FMO4: variants seen among roughly 807,000 people sequenced by gnomAD.
FMO4 encodes the protein dimethylaniline monooxygenase [N-oxide-forming] 4.
In FMO4, 38 loss-of-function variants were observed where a neutral mutation model predicts 43.3. The ratio of observed to expected loss-of-function variants is 0.88; its 90% CI spans 0.68 to 1.15. The LOEUF (loss-of-function observed/expected upper bound fraction) is 1.15, where lower values mean the gene tolerates loss of function less well. Ranked by LOEUF, FMO4 falls within the 50% of genes most tolerant of loss-of-function variation. FMO4 has a pLI of 0.00. For missense variants in FMO4, 631 were observed against 663.3 expected (o/e 0.95, Z 0.54); for synonymous variants, 224 against 232.2 (o/e 0.96, Z 0.32).
intron 6 of FMO4, among the ~76,000 whole-genome samples, chr1:171,332,406 C>A (rs1322556766): frequency 6.6e-6 from 1 of 152,062 alleles, no homozygotes. Context: ...ACTTTAAGTT[C>A]TATTTTGCTT....
chr1:171,340,391 C>T (rs1663321549), intron 9 of FMO4, among the ~76,000 whole-genome samples: 1 of 152,082 alleles, frequency 6.6e-6, no homozygotes, highest in Admixed American at 6.6e-5. Context: ...AATTCCTAAA[C>T]TCCCTCCCCT....
At chr1:171,330,680 T>C (rs1662865756) in intron 5 of FMO4, among the ~76,000 whole-genome samples, 1 of 152,142 alleles carries the variant, frequency 6.6e-6, no homozygotes, top group Non-Finnish European at 1.5e-5. Flanking sequence ...ATGATTCAGT[T>C]ACCTCCCACT....
chr1:171,339,750 G>A (rs2101910559), intron 9 of FMO4, among the ~76,000 whole-genome samples: 1 of 152,310 alleles, frequency 6.6e-6, no homozygotes, highest in East Asian at 1.9e-4. Context: ...AGAGACTGGA[G>A]GAACAGTTGA....
Position 171,341,476 on chromosome 1 carries a change from T to A in FMO4, c.1314T>A (p.Ala438=), listed in dbSNP as rs750501567. 1 of 1,613,998 alleles carries A rather than the reference T, an allele frequency of 6.2e-7. No homozygotes were observed. The highest frequency in any genetic ancestry group is 1.1e-5 in the South Asian group (1 of 91,080). ...ACATTGCCTACATGGATGATATCGC[T>A]GCCTGCATAGGCACAAAGCCCAGCA... ...FDYIAYMDDI[A]ACIGTKPSIP... The change falls in exon 10 of 10, where the codon GCT becomes GCA. Residue 438 remains alanine, a synonymous_variant. Transcript: ENST00000367749.
chr1:171,319,875 C>T lies in FMO4; in HGVS notation c.50C>T (p.Ser17Phe), dbSNP rs769820517. Reference protein sequence around the residue: ...VIGAGVSGLSSIKCCVDEDLE... With the variant: ...VIGAGVSGLSFIKCCVDEDLE... ...GGAGCTGGTGTGAGTGGCCTCTCCT[C>T]CATCAAATGCTGTGTGGATGAGGAC... The change falls in exon 3 of 10, where the codon TCC becomes TTC. Residue 17 changes from serine to phenylalanine, a missense_variant. Transcript: ENST00000367749. 21 of 1,613,708 alleles carry T rather than the reference C, an allele frequency of 1.3e-5. No homozygotes were observed. Among genetic ancestry groups the T allele is most frequent in the Non-Finnish European group, 1.7e-5 (20 of 1,179,770 alleles).
intron 9 of FMO4, among the ~76,000 whole-genome samples, chr1:171,337,654 C>T (rs2101906945): frequency 6.6e-6 from 1 of 152,282 alleles, no homozygotes; most frequent in African/African-American, 2.4e-5. Flanking sequence ...CACAGCCTGG[C>T]CCCCTACCAG....
chr1:171,314,843 A>G lies in FMO4; in HGVS notation c.-151+430A>G, dbSNP rs528072868. On this transcript the variant is annotated intron_variant, in intron 1 of 9. Coordinates refer to ENST00000367749, the MANE Select transcript of FMO4 (RefSeq NM_002022.3). ...ATCAAATTTCAAATTCAAAGAAATC[A>G]TAATTGATTACATGATTTGCAAATC... Among the ~76,000 whole-genome samples the G allele has an allele frequency of 3.3e-5, 5 of 152,336 alleles. No homozygotes were observed. The East Asian group carries it at 9.6e-4, about 29-fold the overall frequency.
intron 3 of FMO4, among the ~76,000 whole-genome samples, chr1:171,321,651 T>C (rs1379081264): frequency 6.6e-6 from 1 of 151,348 alleles, no homozygotes; most frequent in Non-Finnish European, 1.5e-5. Flanking sequence ...ATCTAGAACC[T>C]ACAGATACAG....
rs1221664364 is a variant in FMO4, at chr1:171,331,762, C to T, written c.607C>T (p.Leu203Phe). The T allele has an allele frequency of 6.2e-7, 1 of 1,613,762 alleles. No homozygotes were observed. Among genetic ancestry groups the T allele is most frequent in the African/African-American group, 1.3e-5 (1 of 74,902 alleles). Reference sequence around the variant, plus strand: ...CACTGGAGGAGACATTGCTGTGGAACTCAGTCGAACGGCAGCTCAGGTACA... The same window carrying T: ...CACTGGAGGAGACATTGCTGTGGAATTCAGTCGAACGGCAGCTCAGGTACA... The part of the protein sequence containing the change: ...GNTGGDIAVE[L>F]SRTAAQVLLS... Residue 203 changes from leucine (L) to phenylalanine (F), a missense_variant, in exon 6 of 10, where the codon CTC becomes TTC. By Grantham distance (22) the Leu-to-Phe change is conservative (BLOSUM62 0). Transcript: ENST00000367749.
chr1:171,333,809 A>G (rs1333822676), intron 7 of FMO4, among the ~76,000 whole-genome samples: 3 of 152,174 alleles, frequency 2.0e-5, no homozygotes, highest in Non-Finnish European at 2.9e-5. Context: ...TGATGGTCAC[A>G]CTGAAAATAT....
intron 1 of FMO4, among the ~76,000 whole-genome samples, chr1:171,315,523 C>A (rs1430536764): frequency 2.6e-5 from 4 of 152,024 alleles, no homozygotes; most frequent in Non-Finnish European, 5.9e-5. Flanking sequence ...CACTTGAACC[C>A]TCTGTTTTAC....
chr1:171,323,023 T>G lies in FMO4; in HGVS notation c.152T>G (p.Met51Arg). The G allele has an allele frequency of 6.2e-7, 1 of 1,613,162 alleles. No homozygotes were observed. Among genetic ancestry groups the G allele is most frequent in the Non-Finnish European group, 8.5e-7 (1 of 1,179,404 alleles). ...WKFTESSKDG[M>R]TRVYKSLVTN... Reference sequence around the variant, plus strand: ...CCACAGGAATCTTCCAAAGATGGGATGACCAGGGTCTATAAGTCATTAGTG... The same window carrying G: ...CCACAGGAATCTTCCAAAGATGGGAGGACCAGGGTCTATAAGTCATTAGTG... Residue 51 changes from methionine (M) to arginine (R), a missense_variant, in exon 4 of 10, where the codon ATG becomes AGG. Met to Arg is a moderately conservative substitution (Grantham distance 91). Coordinates refer to ENST00000367749, the MANE Select transcript of FMO4 (RefSeq NM_002022.3).
At chr1:171,319,576 G>A (rs1302833894) in intron 2 of FMO4, among the ~76,000 whole-genome samples, 2 of 152,154 alleles carry the variant, frequency 1.3e-5, no homozygotes, top group African/African-American at 4.8e-5. Context: ...TTTTACAGGT[G>A]AGAAAACTGA....
intron 2 of FMO4, among the ~76,000 whole-genome samples, chr1:171,319,052 G>C (rs1335255155): frequency 6.6e-6 from 1 of 152,228 alleles, no homozygotes; most frequent in African/African-American, 2.4e-5. Flanking sequence ...GTTCAGTGGA[G>C]ATTCAGGTGA....
chr1:171,323,259 T>G (rs979473011), intron 4 of FMO4, 67 bp downstream of exon 4: 8 of 1,072,022 alleles, frequency 7.5e-6, no homozygotes, highest in Non-Finnish European at 1.1e-5. Flanking sequence ...CTAATGAAAA[T>G]TGGATGTTTA....
At chr1:171,316,581 T>C (rs1459637224) in intron 2 of FMO4, among the ~76,000 whole-genome samples, 3 of 152,216 alleles carry the variant, frequency 2.0e-5, no homozygotes, top group Admixed American at 2.0e-4. Flanking sequence ...TTGCTCAGGG[T>C]CATATGGCTA....
At chr1:171,320,068 C>A in intron 3 of FMO4, 111 bp downstream of exon 3, 1 of 1,162,252 alleles carries the variant, frequency 8.6e-7, no homozygotes, top group Non-Finnish European at 1.3e-6. Context: ...CTTACTGCAA[C>A]GGCACAAACA....
At chr1:171,320,675 C>T (rs1048703438) in intron 3 of FMO4, among the ~76,000 whole-genome samples, 3 of 151,962 alleles carry the variant, frequency 2.0e-5, no homozygotes, top group African/African-American at 7.2e-5. Flanking sequence ...GAGGGATCTG[C>T]CCCAGTAGTG....
chr1:171,333,167 A>G (rs1662972967), intron 7 of FMO4: 1 of 320,802 alleles, frequency 3.1e-6, no homozygotes, highest in South Asian at 4.4e-5. Context: ...TGTTACAAAT[A>G]TCACATATTT....
Sources: allele counts gnomAD v4.1 joint callset (sites outside exome capture counted in the v4.1 genomes callset), GRCh38; gene constraint gnomAD v4.1.1; transcripts MANE v1.5; gene names NCBI Gene and HGNC (gene_info 2026-07-23, HGNC 2026-07-21).